Variants in LARGE1 observed in about 807,000 individuals in gnomAD.
LARGE1 encodes xylosyl- and glucuronyltransferase LARGE1.
A neutral mutation model predicts 87.6 loss-of-function variants in LARGE1; 43 were observed. The observed-to-expected ratio is 0.49, with a 90% CI of 0.38 to 0.63. The LOEUF is 0.63. Ranked by LOEUF, LARGE1 falls within the 30% of genes least tolerant of loss-of-function variation. LARGE1 has a pLI of 0.00. For missense variants in LARGE1, 802 were observed against 1,000.2 expected (o/e 0.80, Z 2.67); for synonymous variants, 434 against 394.6 (o/e 1.10, Z -1.18).
intron 2 of LARGE1, among the ~76,000 whole-genome samples, chr22:33,697,468 G>A (rs553614488): frequency 7.4e-5 from 10 of 134,526 alleles, no homozygotes; most frequent in African/African-American, 2.8e-4. Flanking sequence ...AGCCCAAGGC[G>A]GGCGGATCAC....
At chr22:33,726,628 C>A (rs2083280258) in intron 2 of LARGE1, among the ~76,000 whole-genome samples, 1 of 152,186 alleles carries the variant, frequency 6.6e-6, no homozygotes, top group African/African-American at 2.4e-5. Flanking sequence ...GCCACCTGTG[C>A]CAAGCACTGA....
intron 9 of LARGE1, among the ~76,000 whole-genome samples, chr22:33,342,779 TAAG>T (rs1456004228): frequency 2.0e-5 from 3 of 152,090 alleles, no homozygotes; most frequent in Non-Finnish European, 4.4e-5. Context: ...TGGTGTTACA[TAAG>T]AAGGAAGATG....
chr22:33,126,771 A>T, the LARGE1 span, among the ~76,000 whole-genome samples: 1 of 152,258 alleles, frequency 6.6e-6, no homozygotes, highest in Non-Finnish European at 1.5e-5. Flanking sequence ...ACTTCATGGA[A>T]GTTATATTTG....
intron 5 of LARGE1, among the ~76,000 whole-genome samples, chr22:33,594,726 C>T (rs1233172616): frequency 1.3e-5 from 2 of 152,244 alleles, no homozygotes; most frequent in Non-Finnish European, 1.5e-5. Flanking sequence ...CCTGCCTTGG[C>T]CTCCCAAGTA....
At chr22:33,875,310 G>A (rs1006809481) in intron 1 of LARGE1, among the ~76,000 whole-genome samples, 5 of 152,198 alleles carry the variant, frequency 3.3e-5, no homozygotes, top group Admixed American at 2.6e-4. Flanking sequence ...GGGTCAAGCT[G>A]CAGTCTCTGG....
intron 2 of LARGE1, among the ~76,000 whole-genome samples, chr22:33,697,383 T>C (rs1467912065): frequency 6.6e-6 from 1 of 151,736 alleles, no homozygotes; most frequent in African/African-American, 2.4e-5. Context: ...CCTCTTAGGA[T>C]TCTTCAAGGC....
At chr22:33,225,343 G>T (rs572714840) in intron 11 of LARGE1, among the ~76,000 whole-genome samples, 1 of 152,312 alleles carries the variant, frequency 6.6e-6, no homozygotes, top group Admixed American at 6.5e-5. Context: ...GGATACAAAA[G>T]AAAAGTAAGG....
intron 1 of LARGE1, among the ~76,000 whole-genome samples, chr22:33,795,896 G>A (rs12170014): frequency 0.19 from 29,094 of 151,474 alleles, 3,351 homozygotes; most frequent in Admixed American, 0.33. Context: ...TATACCTAAT[G>A]TAAGTGACGA....
At chr22:33,286,677 T>G (rs758088480) in intron 12 of LARGE1, among the ~76,000 whole-genome samples, 17 of 150,196 alleles carry the variant, frequency 1.1e-4, no homozygotes, top group Non-Finnish European at 2.4e-4. Flanking sequence ...AGAAACAGAA[T>G]AGAAGGCTGC....
intron 5 of LARGE1, among the ~76,000 whole-genome samples, chr22:33,579,295 C>T (rs547397160): frequency 6.6e-6 from 1 of 152,338 alleles, no homozygotes; most frequent in East Asian, 1.9e-4. Context: ...CTGCTGCCAT[C>T]CATGTAAGAT....
At chr22:33,554,009 G>A (rs1356118835) in intron 6 of LARGE1, among the ~76,000 whole-genome samples, 1 of 152,158 alleles carries the variant, frequency 6.6e-6, no homozygotes, top group African/African-American at 2.4e-5. Context: ...ACAGAGCTAG[G>A]GACCCAGGGC....
At chr22:33,877,646 G>A (rs1055134950) in intron 1 of LARGE1, among the ~76,000 whole-genome samples, 1 of 152,110 alleles carries the variant, frequency 6.6e-6, no homozygotes, top group African/African-American at 2.4e-5. Context: ...ATACAGGCTG[G>A]GCACGGTGGC....
intron 6 of LARGE1, among the ~76,000 whole-genome samples, chr22:33,503,572 G>A (rs145960455): frequency 0.012 from 1,860 of 152,080 alleles, 14 homozygotes; most frequent in African/African-American, 0.02. Flanking sequence ...AGGCCGAGGC[G>A]GGTGGATCAC....
chr22:33,586,755 C>A (rs1217728855), intron 5 of LARGE1, among the ~76,000 whole-genome samples: 1 of 152,224 alleles, frequency 6.6e-6, no homozygotes, highest in Non-Finnish European at 1.5e-5. Flanking sequence ...CCGCGCCCAG[C>A]TGAGAACAAC....
intron 2 of LARGE1, among the ~76,000 whole-genome samples, chr22:33,662,980 CTTACA>C (rs1456618144): frequency 1.3e-5 from 2 of 152,096 alleles, no homozygotes; most frequent in Admixed American, 1.3e-4. Flanking sequence ...ATCAGTTTGA[CTTACA>C]TTAAAGTTAT....
intron 2 of LARGE1, among the ~76,000 whole-genome samples, chr22:33,661,242 G>T (rs368778785): frequency 2.0e-5 from 3 of 149,630 alleles, no homozygotes; most frequent in Non-Finnish European, 3.0e-5. Context: ...TTGAGCCAGG[G>T]TCTCGCTCTG....
intron 7 of LARGE1, among the ~76,000 whole-genome samples, chr22:33,390,321 G>C (rs555453336): frequency 6.6e-6 from 1 of 152,170 alleles, no homozygotes; most frequent in African/African-American, 2.4e-5. Flanking sequence ...TCTTAGAAAG[G>C]GGGGCTGGTT....
chr22:33,828,831 C>T (rs1243206602), intron 1 of LARGE1, among the ~76,000 whole-genome samples: 1 of 152,112 alleles, frequency 6.6e-6, no homozygotes, highest in Non-Finnish European at 1.5e-5. Flanking sequence ...TGGTGTATAG[C>T]ATTCCCTAGC....
intron 1 of LARGE1, among the ~76,000 whole-genome samples, chr22:33,818,435 A>C (rs1180015958): frequency 6.6e-6 from 1 of 152,206 alleles, no homozygotes; most frequent in Admixed American, 6.5e-5. Context: ...AGGGGAAGGA[A>C]GGAAGAATAA....
Sources: allele counts gnomAD v4.1 joint callset (sites outside exome capture counted in the v4.1 genomes callset), GRCh38; gene constraint gnomAD v4.1.1; transcripts MANE v1.5; gene names NCBI Gene and HGNC (gene_info 2026-07-23, HGNC 2026-07-21).